The following GALNTL6 variants were observed in gnomAD, a reference collection of about 807,000 sequenced individuals.
The protein encoded by GALNTL6 is polypeptide N-acetylgalactosaminyltransferase-like 6.
GALNTL6 carries 46 observed loss-of-function variants against 73.7 expected under a neutral mutation model. The observed-to-expected ratio is 0.62, with a 90% CI of 0.49 to 0.80. GALNTL6 has a LOEUF of 0.80. Among genes scored for constraint, GALNTL6 ranks in the 30% least tolerant of loss-of-function variants. The probability of loss-of-function intolerance (pLI) is 0.00; values close to 1 mark genes in which losing one functional copy is unlikely to be tolerated. For synonymous variants in GALNTL6, 259 were observed against 263.7 expected, an observed-to-expected ratio of 0.98 and a Z score of 0.17; for missense variants, 604 against 755.0, an observed-to-expected ratio of 0.80 and a Z score of 2.34.
intron 8 of GALNTL6, among the ~76,000 whole-genome samples, chr4:172,904,707 T>C (rs927739747): frequency 1.3e-5 from 2 of 152,102 alleles, no homozygotes; most frequent in African/African-American, 4.8e-5. Context: ...CTTATTTTTC[T>C]CATCTCCCAG....
rs977650913 is a variant in GALNTL6 at position 171,982,299 on chromosome 4, GTTGT to G, written c.138+167592_138+167595del. ...ATAGACGAAAGTATTTTGTTTGTTT[GTTGT>G]TTGTTTGTTTTTGATACGGAGTCTC... On this transcript the variant is annotated intron_variant, in intron 2 of 12. Transcript: ENST00000506823. Among the ~76,000 whole-genome samples the G allele has an allele frequency of 2.9e-4, 12 of 42,044 alleles. No individual in the cohort carries two copies. The Admixed American group carries it at 3.9e-3, about 14-fold the overall frequency. 27.6% of individuals were successfully genotyped at this position (42,044 alleles called of 152,430 possible). A position where few individuals can be genotyped will look rare whatever the true frequency, so the allele number is the denominator to read the frequency against.
intron 7 of GALNTL6, among the ~76,000 whole-genome samples, chr4:172,832,947 G>A (rs1228002573): frequency 6.6e-6 from 1 of 152,160 alleles, no homozygotes; most frequent in Non-Finnish European, 1.5e-5. Flanking sequence ...AGAAAAACGT[G>A]AAGGGAAGAC....
At chr4:171,935,857 G>A (rs957993000) in intron 2 of GALNTL6, among the ~76,000 whole-genome samples, 5 of 152,016 alleles carry the variant, frequency 3.3e-5, no homozygotes, top group Non-Finnish European at 7.4e-5. Flanking sequence ...TTTCTTGCTT[G>A]GGTAGGTAAA....
In GALNTL6 at chr4:172,897,728, G is replaced by C. The variant is rs559344765; in HGVS notation, c.1041+14821G>C. ...ATTGAGGTTTCACAGACTCCTACCT[G>C]AATGTTGAGGCTTCTTCAGAGAGAC... On this transcript the variant is annotated intron_variant, in intron 8 of 12. Coordinates refer to ENST00000506823, the MANE Select transcript of GALNTL6 (RefSeq NM_001034845.3). 1.7e-3 allele frequency among the ~76,000 whole-genome samples: 253 copies of C among 152,306 alleles called. 1 individual carries two copies. The highest frequency in any genetic ancestry group is 6.0e-3 in the African/African-American group (249 of 41,574).
intron 11 of GALNTL6, among the ~76,000 whole-genome samples, chr4:173,018,988 G>T (rs1400992111): frequency 6.6e-6 from 1 of 152,196 alleles, no homozygotes; most frequent in Non-Finnish European, 1.5e-5. Flanking sequence ...AACCAAAAAA[G>T]CCAGTTTGGA....
chr4:172,749,470 A>C (rs1161860271), intron 5 of GALNTL6, among the ~76,000 whole-genome samples: 1 of 152,074 alleles, frequency 6.6e-6, no homozygotes, highest in African/African-American at 2.4e-5. Flanking sequence ...GTTCTTTTAT[A>C]AATTACTAAG....
chr4:173,015,716 T>C (rs960970279), intron 11 of GALNTL6, among the ~76,000 whole-genome samples: 1 of 151,996 alleles, frequency 6.6e-6, no homozygotes, highest in Non-Finnish European at 1.5e-5. Context: ...ATTTGGAAAA[T>C]TTGCAGCCTA....
chr4:172,588,375 C>T (rs1560823452), intron 5 of GALNTL6, among the ~76,000 whole-genome samples: 1 of 152,018 alleles, frequency 6.6e-6, no homozygotes, highest in Non-Finnish European at 1.5e-5. Flanking sequence ...GAGCAGATCA[C>T]TTGAGGCCAG....
chr4:172,879,922 A>G (rs1246211830), intron 7 of GALNTL6, among the ~76,000 whole-genome samples: 1 of 151,926 alleles, frequency 6.6e-6, no homozygotes, highest in African/African-American at 2.4e-5. Flanking sequence ...AACATTATTA[A>G]TAATTATGGA....
intron 2 of GALNTL6, among the ~76,000 whole-genome samples, chr4:171,854,819 C>A (rs779776592): frequency 5.9e-5 from 9 of 152,248 alleles, no homozygotes; most frequent in Non-Finnish European, 1.0e-4. Context: ...GACTAATTAC[C>A]TCTCAAAGGC....
At chr4:172,740,926 C>T (rs1466543724) in intron 5 of GALNTL6, among the ~76,000 whole-genome samples, 1 of 152,030 alleles carries the variant, frequency 6.6e-6, no homozygotes, top group Non-Finnish European at 1.5e-5. Flanking sequence ...TAAACAGAAA[C>T]ACACATGAAA....
chr4:172,813,565 C>T lies in GALNTL6; in HGVS notation c.765C>T (p.Thr255=). ...ACCAAATTGCACTAAACCACAAAAC[C>T]ATCGTGTGTCCCATGATCGATGTCA... ...LLNQIALNHK[T]IVCPMIDVID... Residue 255 remains threonine (T), a synonymous_variant, in exon 7 of 13, where the codon ACC becomes ACT. Coordinates refer to ENST00000506823, the MANE Select transcript of GALNTL6 (RefSeq NM_001034845.3). 6.2e-7 allele frequency: 1 copy of T among 1,607,872 alleles called. No homozygotes were observed. Among genetic ancestry groups the T allele is most frequent in the Non-Finnish European group, 8.5e-7 (1 of 1,175,214 alleles).
intron 2 of GALNTL6, among the ~76,000 whole-genome samples, chr4:171,895,307 C>T (rs1736875984): frequency 6.6e-6 from 1 of 152,126 alleles, no homozygotes; most frequent in South Asian, 2.1e-4. Flanking sequence ...TGAGCAGAAT[C>T]CCTTGCGTGA....
At chr4:172,377,907 C>A (rs372612155) in intron 5 of GALNTL6, among the ~76,000 whole-genome samples, 2 of 152,094 alleles carry the variant, frequency 1.3e-5, no homozygotes, top group South Asian at 2.1e-4. Context: ...CAGATCCCCC[C>A]CCCCATGCCT....
At chr4:171,881,095 A>T (rs1736434123) in intron 2 of GALNTL6, among the ~76,000 whole-genome samples, 1 of 152,158 alleles carries the variant, frequency 6.6e-6, no homozygotes, top group East Asian at 1.9e-4. Flanking sequence ...ATCCCTTTTC[A>T]GTTTCATTCC....
At chr4:172,214,928 T>G (rs1411944949) in intron 2 of GALNTL6, among the ~76,000 whole-genome samples, 1 of 152,158 alleles carries the variant, frequency 6.6e-6, no homozygotes, top group Non-Finnish European at 1.5e-5. Flanking sequence ...AATGTATGCA[T>G]TAGTTGCTAT....
At chr4:172,353,282 G>A (rs1381017193) in intron 5 of GALNTL6, among the ~76,000 whole-genome samples, 2 of 151,990 alleles carry the variant, frequency 1.3e-5, no homozygotes, top group Non-Finnish European at 2.9e-5. Flanking sequence ...CTCTAGCCTG[G>A]GTGTCAGAGC....
At chr4:171,880,738 A>G (rs368310570) in intron 2 of GALNTL6, among the ~76,000 whole-genome samples, 1 of 152,230 alleles carries the variant, frequency 6.6e-6, no homozygotes, top group African/African-American at 2.4e-5. Flanking sequence ...ATATAGGCTT[A>G]TAGTAAGAAG....
intron 9 of GALNTL6, among the ~76,000 whole-genome samples, chr4:172,948,058 A>G (rs1329990285): frequency 2.6e-5 from 4 of 152,202 alleles, no homozygotes; most frequent in Non-Finnish European, 5.9e-5. Context: ...GAAAGATTTT[A>G]TTTGGCCAGC....
Sources: gnomAD v4.1 joint callset for allele counts (sites outside exome capture counted in the v4.1 genomes callset) on GRCh38, gnomAD v4.1.1 for gene constraint, MANE v1.5 for transcripts, NCBI Gene and HGNC (gene_info 2026-07-23, HGNC 2026-07-21) for gene names.